Variants in IQCM observed in about 807,000 individuals in gnomAD.
IQCM encodes IQ domain-containing protein M.
Under a neutral mutation model 57.6 loss-of-function variants are expected in IQCM, and 45 were observed. That is an observed-to-expected ratio of 0.78 (90% CI 0.62 to 1.00). IQCM has a LOEUF of 1.00. Ranked by LOEUF, IQCM falls within the 50% of genes least tolerant of loss-of-function variation. The pLI is 0.00. For synonymous variants in IQCM, 148 were observed against 158.9 expected, an observed-to-expected ratio of 0.93 and a Z score of 0.51; for missense variants, 468 against 511.6, an observed-to-expected ratio of 0.91 and a Z score of 0.82.
intron 12 of IQCM, among the ~76,000 whole-genome samples, chr4:149,498,085 C>CT (rs2149787594): frequency 6.6e-6 from 1 of 152,246 alleles, no homozygotes; most frequent in East Asian, 1.9e-4. Flanking sequence ...GTACCCAACT[C>CT]CAGGTCCACC....
intron 12 of IQCM, among the ~76,000 whole-genome samples, chr4:149,495,371 A>AATTC (rs1300866560): frequency 4.6e-5 from 7 of 152,138 alleles, no homozygotes; most frequent in Admixed American, 4.6e-4. Context: ...ATCTCACACA[A>AATTC]ACCCATGTTA....
chr4:149,592,175 T>C (rs1296657748), intron 8 of IQCM, among the ~76,000 whole-genome samples: 1 of 152,206 alleles, frequency 6.6e-6, no homozygotes, highest in Non-Finnish European at 1.5e-5. Flanking sequence ...TATCTCATTG[T>C]GGTTTTGATA....
rs952264159 is a variant in IQCM, at chr4:149,633,579, T to C, written c.566-12335A>G. ...ACACACCAACAGATCAAATTCAACATAATGTGGTTCTTTTGAGAAACATAA... is the reference window on the plus strand; with the variant it reads ...ACACACCAACAGATCAAATTCAACACAATGTGGTTCTTTTGAGAAACATAA... On this transcript the variant is annotated intron_variant, in intron 7 of 13. Transcript: ENST00000636793. 3.9e-5 allele frequency among the ~76,000 whole-genome samples: 6 copies of C among 152,228 alleles called. 1 individual carries two copies. The highest frequency in any genetic ancestry group is 1.4e-4 in the African/African-American group (6 of 41,464).
Position 149,440,755 on chromosome 4 carries a change from T to C in IQCM, c.1229-7198A>G, listed in dbSNP as rs184646437. Among the ~76,000 whole-genome samples, 429 of 152,258 alleles carry C rather than the reference T, an allele frequency of 2.8e-3. 7 individuals are homozygous for C. The highest frequency in any genetic ancestry group is 9.8e-3 in the African/African-American group (407 of 41,576). ...TTCCAAATAAATGTTTTTTTAAATT[T>C]ATGTATTAATTTTTAAAAATAAGTG... On this transcript the variant is annotated intron_variant, in intron 12 of 13. Coordinates refer to ENST00000636793, the MANE Select transcript of IQCM (RefSeq NM_001363507.2).
intron 9 of IQCM, among the ~76,000 whole-genome samples, chr4:149,565,911 T>C (rs982650848): frequency 1.3e-5 from 2 of 152,182 alleles, no homozygotes; most frequent in Admixed American, 6.6e-5. Flanking sequence ...TTTCTTTCAC[T>C]CTCTTGAAAA....
rs527477547 is a variant in IQCM, at chr4:149,470,584, G to T, written c.1229-37027C>A. ...ATCAACGAGACAGAAAGTTAACAAG[G>T]ATATCCAGGAATTGAACTCAGCTCT... is the stretch of plus-strand genomic sequence containing the variant. On this transcript the variant is annotated intron_variant, in intron 12 of 13. Coordinates refer to ENST00000636793, the MANE Select transcript of IQCM (RefSeq NM_001363507.2). Among the ~76,000 whole-genome samples the T allele has an allele frequency of 2.2e-3, 335 of 152,116 alleles. 2 individuals are homozygous for T. Among genetic ancestry groups the T allele is most frequent in the East Asian group, 8.7e-3 (45 of 5,160 alleles).
chr4:149,705,101 C>T (rs1764055821), intron 5 of IQCM, among the ~76,000 whole-genome samples: 1 of 149,956 alleles, frequency 6.7e-6, no homozygotes, highest in Non-Finnish European at 1.5e-5. Flanking sequence ...TCCATAATCA[C>T]ATGCTAATGA....
chr4:149,657,386 G>A (rs531165627), intron 7 of IQCM, among the ~76,000 whole-genome samples: 2 of 152,182 alleles, frequency 1.3e-5, no homozygotes, highest in East Asian at 1.9e-4. Context: ...TTCTGTATAT[G>A]TACCACATTT....
intron 5 of IQCM, among the ~76,000 whole-genome samples, chr4:149,715,051 A>G (rs1764873664): frequency 6.6e-6 from 1 of 152,258 alleles, no homozygotes; most frequent in Non-Finnish European, 1.5e-5. Flanking sequence ...GAAACCACAG[A>G]AAACAAAACC....
In IQCM at chr4:149,352,879, T is replaced by G. The variant is rs552893662; in HGVS notation, c.1391-813A>C. 9.2e-5 allele frequency among the ~76,000 whole-genome samples: 14 copies of G among 152,268 alleles called. No homozygotes were observed. In the South Asian group the frequency reaches 2.9e-3, roughly 32 times the overall value. On this transcript the variant is annotated intron_variant, in intron 13 of 13. Transcript: ENST00000636793. ...GGCCACCATTATACAAAGAAATAAT[T>G]TATAGATAGGGTAGTATATCTTTGC...
intron 8 of IQCM, among the ~76,000 whole-genome samples, chr4:149,599,256 G>T (rs1479762499): frequency 6.6e-6 from 1 of 152,018 alleles, no homozygotes; most frequent in Non-Finnish European, 1.5e-5. Flanking sequence ...TGAACCATGG[G>T]ATTATACAAC....
chr4:149,589,801 G>A (rs965969989), intron 8 of IQCM, among the ~76,000 whole-genome samples: 2 of 151,864 alleles, frequency 1.3e-5, no homozygotes, highest in African/African-American at 2.4e-5. Flanking sequence ...TGTACAACAC[G>A]TAAATGATAA....
chr4:149,511,570 A>T lies in IQCM; in HGVS notation c.1228+36885T>A, dbSNP rs1056431865. Among the ~76,000 whole-genome samples the T allele has an allele frequency of 3.1e-5, 4 of 128,252 alleles. No individual in the cohort carries two copies. In the East Asian group the frequency reaches 6.5e-4, roughly 21 times the overall value. The allele number at this position is 128,252 out of a possible 152,430, so 84.1% of individuals were successfully genotyped here. A position where few individuals can be genotyped will look rare whatever the true frequency, so the allele number is the denominator to read the frequency against. On this transcript the variant is annotated intron_variant, in intron 12 of 13. Coordinates refer to ENST00000636793, the MANE Select transcript of IQCM (RefSeq NM_001363507.2). ...AAATAAATAAATAAATAAATAAATA[A>T]ATATTAAACATTTAAAAAAATGTAT... is the stretch of plus-strand genomic sequence containing the variant.
chr4:149,351,912 A>G lies in IQCM; in HGVS notation c.*39T>C. 2.5e-6 allele frequency: 1 copy of G among 398,660 alleles called. No individual in the cohort carries two copies. Among genetic ancestry groups the G allele is most frequent in the Non-Finnish European group, 4.4e-6 (1 of 225,884 alleles). The allele number at this position is 398,660 out of a possible 1,614,324, so 24.7% of individuals were successfully genotyped here. A position where few individuals can be genotyped will look rare whatever the true frequency, so the allele number is the denominator to read the frequency against. On this transcript the variant is annotated 3_prime_UTR_variant, in exon 14 of 14. Transcript: ENST00000636793. Reference sequence around the variant, plus strand: ...AGTGTTAACTTGTCTCTTTGGGTAGAGAAGTTTAACTATTACAGGTAATAA... The same window carrying G: ...AGTGTTAACTTGTCTCTTTGGGTAGGGAAGTTTAACTATTACAGGTAATAA...
rs1245791898 is a variant in IQCM at position 149,793,449 on chromosome 4, A to C, written c.-49+21862T>G. On this transcript the variant is annotated intron_variant, in intron 2 of 13. Coordinates refer to ENST00000636793, the MANE Select transcript of IQCM (RefSeq NM_001363507.2). Reference sequence around the variant, plus strand: ...ATTGCACCAGCTTCTGACTATCTTTATCCTTTCCTGCTTCCTAAGAATACA... The same window carrying C: ...ATTGCACCAGCTTCTGACTATCTTTCTCCTTTCCTGCTTCCTAAGAATACA... Among the ~76,000 whole-genome samples the C allele has an allele frequency of 3.9e-5, 6 of 152,152 alleles. No individual in the cohort carries two copies. In the East Asian group the frequency reaches 1.2e-3, roughly 29 times the overall value.
chr4:149,428,966 A>G (rs1734638364), intron 13 of IQCM, among the ~76,000 whole-genome samples: 1 of 151,886 alleles, frequency 6.6e-6, no homozygotes, highest in African/African-American at 2.4e-5. Flanking sequence ...ACAGTAATAT[A>G]ATAACACCAT....
intron 12 of IQCM, among the ~76,000 whole-genome samples, chr4:149,457,978 T>C (rs1257449884): frequency 6.6e-6 from 1 of 151,676 alleles, no homozygotes; most frequent in Non-Finnish European, 1.5e-5. Flanking sequence ...GCGAGAGGGG[T>C]GATGCTTTGT....
chr4:149,590,437 C>T (rs1430735624), intron 8 of IQCM, among the ~76,000 whole-genome samples: 5 of 151,492 alleles, frequency 3.3e-5, no homozygotes, highest in Non-Finnish European at 7.4e-5. Flanking sequence ...ACAGCCACTA[C>T]CTGCTTCTTT....
chr4:149,804,416 C>A (rs941802250), intron 2 of IQCM, among the ~76,000 whole-genome samples: 4 of 152,008 alleles, frequency 2.6e-5, no homozygotes, highest in African/African-American at 9.7e-5. Context: ...GTTCTAGCAG[C>A]AGTTTCCACT....
Sources: allele counts gnomAD v4.1 joint callset (sites outside exome capture counted in the v4.1 genomes callset), GRCh38; gene constraint gnomAD v4.1.1; transcripts MANE v1.5; gene names NCBI Gene and HGNC (gene_info 2026-07-23, HGNC 2026-07-21).